CDK6: variants seen among roughly 807,000 people sequenced by gnomAD.
CDK6 encodes the protein cyclin-dependent kinase 6.
In CDK6, 6 loss-of-function variants were observed where a neutral mutation model predicts 37.1. That is an observed-to-expected ratio of 0.16 (90% CI 0.09 to 0.32). CDK6 has a LOEUF of 0.32. Among genes scored for constraint, CDK6 ranks in the 10% least tolerant of loss-of-function variants. The pLI is 1.00. For synonymous variants in CDK6, 160 were observed against 161.3 expected, an observed-to-expected ratio of 0.99 and a Z score of 0.06; for missense variants, 224 against 418.9, an observed-to-expected ratio of 0.53 and a Z score of 4.06.
In CDK6 at chr7:92,612,303, C is replaced by T. The variant is rs1441595504; in HGVS notation, c.*2837G>A. The T allele has an allele frequency of 5.2e-5, 12 of 233,006 alleles. No individual in the cohort carries two copies. The highest frequency in any genetic ancestry group is 9.3e-5 in the Non-Finnish European group (11 of 117,972). The allele number at this position is 233,006 out of a possible 1,614,324, so 14.4% of individuals were successfully genotyped here. A position where few individuals can be genotyped will look rare whatever the true frequency, so the allele number is the denominator to read the frequency against. On this transcript the variant is annotated 3_prime_UTR_variant, in exon 8 of 8. Coordinates refer to ENST00000424848, the MANE Select transcript of CDK6 (RefSeq NM_001145306.2). ...GAGCTGCTTCAGTGTAACCTTGGGG[C>T]AATATGCCCTTTTCAGTTCACCACT...
intron 3 of CDK6, among the ~76,000 whole-genome samples, chr7:92,726,959 C>T (rs558543494): frequency 3.9e-5 from 6 of 152,238 alleles, no homozygotes; most frequent in East Asian, 3.9e-4. Context: ...TAAATGGCAG[C>T]GCTTATTACT....
At position 92,633,822 on chromosome 7, in the gene CDK6, T is replaced by C. The variant is rs1796109565; in HGVS notation, c.648-10736A>G. On this transcript the variant is annotated intron_variant, in intron 5 of 7. Transcript: ENST00000424848. The stretch of plus-strand genomic sequence containing the variant: ...ATACTGTCTTGTGTCATCTGAACTG[T>C]ATTATGAGTATAAAATGATTTAGCA... Among the ~76,000 whole-genome samples the C allele has an allele frequency of 4.6e-5, 7 of 152,304 alleles. No individual in the cohort carries two copies. The South Asian group carries it at 1.5e-3, about 32-fold the overall frequency.
At chr7:92,720,832 T>TG (rs1446992573) in intron 4 of CDK6, among the ~76,000 whole-genome samples, 23 of 152,318 alleles carry the variant, frequency 1.5e-4, no homozygotes, top group Admixed American at 3.3e-4. Context: ...AGAGTGACTC[T>TG]AAATATAGTT....
chr7:92,724,970 G>T (rs1798474925), intron 4 of CDK6: 2 of 932,986 alleles, frequency 2.1e-6, no homozygotes, highest in Admixed American at 6.2e-5. Flanking sequence ...TGGAGAAATA[G>T]AAGCTAACCA....
chr7:92,660,558 A>G (rs1248140301), intron 5 of CDK6, among the ~76,000 whole-genome samples: 1 of 152,230 alleles, frequency 6.6e-6, no homozygotes. Context: ...AGATTTTGAA[A>G]AACAGTGATA....
At chr7:92,770,976 C>T (rs915710015) in intron 3 of CDK6, among the ~76,000 whole-genome samples, 2 of 151,968 alleles carry the variant, frequency 1.3e-5, no homozygotes, top group African/African-American at 4.8e-5. Flanking sequence ...GTAGCTCATG[C>T]CTGTAATCCC....
chr7:92,774,791 T>C lies in CDK6; in HGVS notation c.274A>G (p.Thr92Ala), dbSNP rs769128722. 4.3e-6 allele frequency: 7 copies of C among 1,612,678 alleles called. No homozygotes were observed. In the South Asian group the frequency reaches 7.7e-5, roughly 18 times the overall value. The change falls in exon 3 of 8, where the codon ACC becomes GCC. Residue 92 changes from threonine to alanine, a missense_variant. Around this residue, in one of 5 missense-constraint regions of CDK6, gnomAD observed 82 missense variants for 202.1 expected, o/e 0.41. Transcript: ENST00000424848. ...VCTVSRTDRE[T>A]KLTLVFEHVD... ...TGTTCAAACACTAAAGTTAGTTTGGTTTCTCTGTCTGTTCGTGACACTGTG... is the reference window on the plus strand; with the variant it reads ...TGTTCAAACACTAAAGTTAGTTTGGCTTCTCTGTCTGTTCGTGACACTGTG...
At chr7:92,618,881 G>A (rs1795739332) in intron 6 of CDK6, among the ~76,000 whole-genome samples, 1 of 152,134 alleles carries the variant, frequency 6.6e-6, no homozygotes, top group South Asian at 2.1e-4. Flanking sequence ...TCTGGGATCA[G>A]AAATGTGGAA....
At chr7:92,782,358 A>C (rs1800014178) in intron 2 of CDK6, among the ~76,000 whole-genome samples, 2 of 152,176 alleles carry the variant, frequency 1.3e-5, no homozygotes, top group Non-Finnish European at 2.9e-5. Flanking sequence ...CTCTCCTGGA[A>C]GCCACACCCT....
At chr7:92,711,379 T>C (rs1370408752) in intron 4 of CDK6, among the ~76,000 whole-genome samples, 1 of 152,096 alleles carries the variant, frequency 6.6e-6, no homozygotes, top group Non-Finnish European at 1.5e-5. Flanking sequence ...GTATGTATAC[T>C]ATTATAGGCA....
At chr7:92,676,881 C>T (rs1452729951) in intron 4 of CDK6, among the ~76,000 whole-genome samples, 1 of 151,652 alleles carries the variant, frequency 6.6e-6, no homozygotes, top group African/African-American at 2.4e-5. Flanking sequence ...ATGGCGTGAA[C>T]CCGGGAGGCG....
chr7:92,812,860 A>T (rs2115948049), intron 2 of CDK6, among the ~76,000 whole-genome samples: 1 of 152,362 alleles, frequency 6.6e-6, no homozygotes, highest in East Asian at 1.9e-4. Flanking sequence ...CATTTCTAAA[A>T]ACATATATAA....
chr7:92,786,954 G>T (rs1045968488), intron 2 of CDK6, among the ~76,000 whole-genome samples: 2 of 151,718 alleles, frequency 1.3e-5, no homozygotes, highest in African/African-American at 2.4e-5. Context: ...GAGGCTGAGG[G>T]GGGTGGATCA....
intron 3 of CDK6, among the ~76,000 whole-genome samples, chr7:92,751,382 G>A (rs753393167): frequency 6.6e-5 from 10 of 152,064 alleles, no homozygotes; most frequent in African/African-American, 1.4e-4. Context: ...TTGTGTTAAA[G>A]TTCATGTATC....
Position 92,613,152 on chromosome 7 carries a change from A to C in CDK6, c.*1988T>G, listed in dbSNP as rs1795599057. On this transcript the variant is annotated 3_prime_UTR_variant, in exon 8 of 8. Coordinates refer to ENST00000424848, the MANE Select transcript of CDK6 (RefSeq NM_001145306.2). ...CAAGCTACTGAATTAGAACAATGTT[A>C]AGTAGTACAGCAATTAAAAAAGAAT... 4.3e-6 allele frequency: 1 copy of C among 233,200 alleles called. No individual in the cohort carries two copies. The highest frequency in any genetic ancestry group is 8.5e-6 in the Non-Finnish European group (1 of 118,014). 14.4% of individuals were successfully genotyped at this position (233,200 alleles called of 1,614,324 possible).
At chr7:92,740,789 G>A (rs562457291) in intron 3 of CDK6, among the ~76,000 whole-genome samples, 5 of 152,126 alleles carry the variant, frequency 3.3e-5, no homozygotes, top group African/African-American at 4.8e-5. Context: ...GCGGGAAACC[G>A]AATTTGAGAA....
rs1453042544 is a variant in CDK6, at chr7:92,607,059, C to T, written c.*8081G>A. 2 of 233,530 alleles carry T rather than the reference C, an allele frequency of 8.6e-6. No individual in the cohort carries two copies. The highest frequency in any genetic ancestry group is 1.7e-5 in the Non-Finnish European group (2 of 117,982). 14.5% of individuals were successfully genotyped at this position (233,530 alleles called of 1,614,324 possible). ...TACCACACTGGATTGCTTCTGTACACAGCTAAGTTGCCTGAAGCATGGAAA... is the reference window on the plus strand; with the variant it reads ...TACCACACTGGATTGCTTCTGTACATAGCTAAGTTGCCTGAAGCATGGAAA... On this transcript the variant is annotated 3_prime_UTR_variant, in exon 8 of 8. Transcript: ENST00000424848.
chr7:92,706,140 C>G (rs73404492), intron 4 of CDK6, among the ~76,000 whole-genome samples: 3,886 of 152,308 alleles, frequency 0.026, 158 homozygotes, highest in African/African-American at 0.088. Context: ...AATAATCTAA[C>G]CTATTTGGGA....
chr7:92,792,297 T>A (rs533229343), intron 2 of CDK6, among the ~76,000 whole-genome samples: 2 of 152,260 alleles, frequency 1.3e-5, no homozygotes, highest in South Asian at 4.1e-4. Context: ...CAAAGTTGAA[T>A]CATGTTTTGC....
Sources: gnomAD v4.1 joint callset for allele counts (sites outside exome capture counted in the v4.1 genomes callset) on GRCh38, gnomAD v4.1.1 for gene constraint, gnomAD v4.1.1 regional missense constraint, MANE v1.5 for transcripts, NCBI Gene and HGNC (gene_info 2026-07-23, HGNC 2026-07-21) for gene names.